The following ENOX1 variants were observed in gnomAD, a reference collection of about 807,000 sequenced individuals.
The protein encoded by ENOX1 is candidate growth-related and time keeping constitutive hydroquinone (NADH) oxidase.
A neutral mutation model predicts 82.5 loss-of-function variants in ENOX1; 42 were observed. The observed-to-expected ratio is 0.51, with a 90% CI of 0.40 to 0.66. The LOEUF (loss-of-function observed/expected upper bound fraction) is 0.66. Among genes scored for constraint, ENOX1 ranks in the 30% least tolerant of loss-of-function variants. ENOX1 has a pLI of 0.00. For missense variants in ENOX1, 608 were observed against 811.6 expected, an observed-to-expected ratio of 0.75 and a Z score of 3.05; for synonymous variants, 271 against 282.2, an observed-to-expected ratio of 0.96 and a Z score of 0.40.
chr13:43,569,080 T>C (rs2080054660), intron 2 of ENOX1, among the ~76,000 whole-genome samples: 1 of 152,152 alleles, frequency 6.6e-6, no homozygotes, highest in African/African-American at 2.4e-5. Context: ...ACAAAAGTAA[T>C]AGAAAATCAA....
chr13:43,383,869 T>C (rs2052235417), intron 5 of ENOX1, among the ~76,000 whole-genome samples: 2 of 152,208 alleles, frequency 1.3e-5, no homozygotes, highest in East Asian at 1.9e-4. Context: ...GGTTAATGAC[T>C]CTCAATTCTG....
At chr13:43,509,889 AAG>A (rs1256414110) in intron 2 of ENOX1, among the ~76,000 whole-genome samples, 1 of 151,986 alleles carries the variant, frequency 6.6e-6, no homozygotes, top group East Asian at 1.9e-4. Context: ...CCTTTCCTGA[AAG>A]AGAATTTTCC....
intron 5 of ENOX1, among the ~76,000 whole-genome samples, chr13:43,380,225 T>A (rs2051940466): frequency 1.3e-5 from 2 of 151,680 alleles, no homozygotes; most frequent in South Asian, 4.2e-4. Context: ...CACAATGGAA[T>A]AAAGAATATC....
At chr13:43,754,017 C>CAT (rs1212623906) in intron 1 of ENOX1, among the ~76,000 whole-genome samples, 8 of 123,144 alleles carry the variant, frequency 6.5e-5, no homozygotes, top group South Asian at 2.3e-4. Flanking sequence ...TATGTATACA[C>CAT]ATATATATAC....
chr13:43,558,613 G>C (rs1329685546), intron 2 of ENOX1, among the ~76,000 whole-genome samples: 3 of 152,154 alleles, frequency 2.0e-5, no homozygotes, highest in Non-Finnish European at 4.4e-5. Flanking sequence ...ATTTTTGCCT[G>C]GGTGACAAGG....
chr13:43,523,237 A>T (rs1225363230), intron 2 of ENOX1, among the ~76,000 whole-genome samples: 2 of 152,160 alleles, frequency 1.3e-5, no homozygotes, highest in Non-Finnish European at 2.9e-5. Flanking sequence ...CTTGAACCTA[A>T]CCCAGATGAG....
chr13:43,655,085 T>C (rs573015137), intron 2 of ENOX1, among the ~76,000 whole-genome samples: 1 of 152,296 alleles, frequency 6.6e-6, no homozygotes, highest in East Asian at 1.9e-4. Flanking sequence ...CTGTGTTCAC[T>C]GATGATCCCC....
chr13:43,242,080 C>T (rs2042863443), intron 14 of ENOX1, among the ~76,000 whole-genome samples: 1 of 152,210 alleles, frequency 6.6e-6, no homozygotes, highest in Admixed American at 6.5e-5. Context: ...CCTGTGTCTA[C>T]TGCCTCATCA....
intron 12 of ENOX1, among the ~76,000 whole-genome samples, chr13:43,296,915 T>C (rs1438391572): frequency 6.6e-6 from 1 of 152,142 alleles, no homozygotes; most frequent in Non-Finnish European, 1.5e-5. Flanking sequence ...CGGCCTCTCA[T>C]CTTGGCGAGG....
chr13:43,274,478 T>C (rs2044883079), intron 12 of ENOX1, among the ~76,000 whole-genome samples: 2 of 152,260 alleles, frequency 1.3e-5, no homozygotes, highest in South Asian at 2.1e-4. Flanking sequence ...AACTAGATGA[T>C]TTAAGTCAGC....
At chr13:43,270,289 T>C (rs1052770630) in intron 12 of ENOX1, among the ~76,000 whole-genome samples, 3 of 152,156 alleles carry the variant, frequency 2.0e-5, no homozygotes, top group Non-Finnish European at 4.4e-5. Context: ...GATATGTTAA[T>C]ATATACATAG....
chr13:43,236,428 G>A (rs960800427), intron 15 of ENOX1, among the ~76,000 whole-genome samples: 4 of 152,154 alleles, frequency 2.6e-5, no homozygotes, highest in Admixed American at 2.6e-4. Flanking sequence ...CTGACAATCA[G>A]TTAATATATA....
intron 1 of ENOX1, among the ~76,000 whole-genome samples, chr13:43,770,527 C>A (rs1249010411): frequency 1.3e-5 from 2 of 152,076 alleles, no homozygotes; most frequent in African/African-American, 4.8e-5. Context: ...TGAAAGGCAT[C>A]CAATAAAAGT....
chr13:43,335,048 A>G (rs12429825), intron 9 of ENOX1, among the ~76,000 whole-genome samples: 30,641 of 152,180 alleles, frequency 0.2, 4,034 homozygotes, highest in East Asian at 0.58. Context: ...AAAGGGGGCT[A>G]GGCTAGACCA....
intron 3 of ENOX1, among the ~76,000 whole-genome samples, chr13:43,470,247 TACATATATATATACATATATATAC>T (rs1427845242): frequency 6.7e-5 from 4 of 59,782 alleles, no homozygotes; most frequent in African/African-American, 1.8e-4. Context: ...TGTATATATA[TACATATATATATACATATATATAC>T]ACATATATAT....
At chr13:43,690,427 A>C (rs566859953) in intron 1 of ENOX1, among the ~76,000 whole-genome samples, 1 of 152,170 alleles carries the variant, frequency 6.6e-6, no homozygotes, top group African/African-American at 2.4e-5. Flanking sequence ...CAATAAATAT[A>C]ATTGAGGATG....
chr13:43,728,485 C>A (rs913076768), intron 1 of ENOX1, among the ~76,000 whole-genome samples: 1 of 152,164 alleles, frequency 6.6e-6, no homozygotes, highest in Admixed American at 6.5e-5. Flanking sequence ...ATCTCTCTGG[C>A]ATTTAATACC....
At chr13:43,647,467 C>T (rs899556643) in intron 2 of ENOX1, among the ~76,000 whole-genome samples, 16 of 152,242 alleles carry the variant, frequency 1.1e-4, no homozygotes, top group African/African-American at 3.6e-4. Flanking sequence ...GTCTCCATAT[C>T]CAACCCTGCA....
chr13:43,245,216 G>A (rs1035822803), intron 14 of ENOX1, among the ~76,000 whole-genome samples: 3 of 152,148 alleles, frequency 2.0e-5, no homozygotes, highest in Admixed American at 6.5e-5. Context: ...TCTATTTGCC[G>A]CTGGCCTGCT....
Sources: gnomAD v4.1 joint callset for allele counts (sites outside exome capture counted in the v4.1 genomes callset) on GRCh38, gnomAD v4.1.1 for gene constraint, MANE v1.5 for transcripts, NCBI Gene and HGNC (gene_info 2026-07-23, HGNC 2026-07-21) for gene names.